GRIN2B: variants seen among roughly 807,000 people sequenced by gnomAD.
The protein encoded by GRIN2B is glutamate receptor ionotropic, NMDA 2B.
Under a neutral mutation model 114.5 loss-of-function variants are expected in GRIN2B, and 5 were observed. That is an observed-to-expected ratio of 0.04 (90% CI 0.02 to 0.09). GRIN2B has a LOEUF of 0.09. GRIN2B is among the 10% of genes least tolerant of loss of function. The pLI is 1.00. For synonymous variants in GRIN2B, 787 were observed against 745.1 expected, an observed-to-expected ratio of 1.06 and a Z score of -0.92; for missense variants, 1,108 against 1,943.5, an observed-to-expected ratio of 0.57 and a Z score of 8.08.
intron 3 of GRIN2B, among the ~76,000 whole-genome samples, chr12:13,861,038 A>T (rs991581862): frequency 2.0e-5 from 3 of 152,158 alleles, no homozygotes; most frequent in Non-Finnish European, 1.5e-5. Context: ...CATATATTTT[A>T]TTTCATTTTA....
At position 13,713,548 on chromosome 12, in the gene GRIN2B, TAGCGATGAGCCATC is replaced by T. The variant is rs912296716; in HGVS notation, c.1011-37703_1011-37690del. On this transcript the variant is annotated intron_variant, in intron 4 of 13. Coordinates refer to ENST00000609686, the MANE Select transcript of GRIN2B (RefSeq NM_000834.5). ...AAAGAGCAGCCATGAAATACTTCCC[TAGCGATGAGCCATC>T]AGTGTTGGTAAGACGTTCTTAATAG... Among the ~76,000 whole-genome samples the T allele has an allele frequency of 2.0e-5, 3 of 151,920 alleles. No homozygotes were observed. The East Asian group carries it at 5.8e-4, about 29-fold the overall frequency.
At position 13,590,861 on chromosome 12, in the gene GRIN2B, T is replaced by C. The variant is rs558191668; in HGVS notation, c.2010+17742A>G. ...AGAGCCCAGTAGTCAGGTGGAATCA[T>C]AGTTGAAGCTCACTCTTGAAGTCAT... On this transcript the variant is annotated intron_variant, in intron 10 of 13. Transcript: ENST00000609686. Among the ~76,000 whole-genome samples the C allele has an allele frequency of 5.9e-5, 9 of 152,298 alleles. No homozygotes were observed. In the South Asian group the frequency reaches 1.5e-3, roughly 25 times the overall value.
At chr12:13,893,667 C>G (rs564021302) in intron 2 of GRIN2B, among the ~76,000 whole-genome samples, 1 of 152,112 alleles carries the variant, frequency 6.6e-6, no homozygotes, top group East Asian at 1.9e-4. Flanking sequence ...AAAAGCTAAA[C>G]ATAAAACTCA....
chr12:13,579,527 C>A (rs190634966), intron 10 of GRIN2B, among the ~76,000 whole-genome samples: 1 of 152,356 alleles, frequency 6.6e-6, no homozygotes, highest in East Asian at 1.9e-4. Flanking sequence ...CAGTGCCTGG[C>A]TGATAAATAC....
At chr12:13,659,239 T>C (rs915826911) in intron 5 of GRIN2B, among the ~76,000 whole-genome samples, 1 of 152,240 alleles carries the variant, frequency 6.6e-6, no homozygotes, top group African/African-American at 2.4e-5. Context: ...CTTGTTTTGA[T>C]GTCCCAGTGT....
intron 4 of GRIN2B, among the ~76,000 whole-genome samples, chr12:13,696,291 G>A (rs1008864245): frequency 6.6e-6 from 1 of 152,122 alleles, no homozygotes; most frequent in South Asian, 2.1e-4. Context: ...TGTAACAAAA[G>A]GTGTGTAACT....
chr12:13,915,393 G>C (rs543715822), intron 2 of GRIN2B, among the ~76,000 whole-genome samples: 115 of 152,166 alleles, frequency 7.6e-4, no homozygotes, highest in African/African-American at 1.7e-3. Flanking sequence ...CCCAACCCCT[G>C]GCCACAGGCA....
chr12:13,904,496 C>A, intron 2 of GRIN2B, among the ~76,000 whole-genome samples: 1 of 152,022 alleles, frequency 6.6e-6, no homozygotes, highest in East Asian at 1.9e-4. Context: ...TTAATTGCAT[C>A]ACTATTAGTC....
intron 10 of GRIN2B, among the ~76,000 whole-genome samples, chr12:13,579,148 G>A (rs1268499133): frequency 2.6e-5 from 4 of 152,148 alleles, no homozygotes; most frequent in African/African-American, 9.7e-5. Context: ...AAGACACAAG[G>A]TGGTGAGAAA....
intron 3 of GRIN2B, among the ~76,000 whole-genome samples, chr12:13,861,124 A>G (rs1417041401): frequency 1.3e-5 from 2 of 152,242 alleles, no homozygotes; most frequent in Non-Finnish European, 2.9e-5. Context: ...ATCATGTAGT[A>G]TAACTAATGT....
At position 13,910,593 on chromosome 12, in the gene GRIN2B, T is replaced by G. The variant is rs377163114; in HGVS notation, c.-18-44367A>C. ...TTTCTGGCCAGGATTATTGCAAAGGTCTCTAAATGAGCTCTGCCACCAATT... is the reference window on the plus strand; with the variant it reads ...TTTCTGGCCAGGATTATTGCAAAGGGCTCTAAATGAGCTCTGCCACCAATT... On this transcript the variant is annotated intron_variant, in intron 2 of 13. Coordinates refer to ENST00000609686, the MANE Select transcript of GRIN2B (RefSeq NM_000834.5). Among the ~76,000 whole-genome samples the G allele has an allele frequency of 2.0e-5, 3 of 152,216 alleles. No individual in the cohort carries two copies. The South Asian group carries it at 6.2e-4, about 32-fold the overall frequency.
At chr12:13,589,568 C>T (rs556410179) in intron 10 of GRIN2B, among the ~76,000 whole-genome samples, 1 of 152,272 alleles carries the variant, frequency 6.6e-6, no homozygotes, top group Admixed American at 6.5e-5. Flanking sequence ...GTACTCTATT[C>T]CAGTAAGTGC....
At chr12:13,945,090 T>C (rs982508842) in intron 2 of GRIN2B, among the ~76,000 whole-genome samples, 2 of 152,126 alleles carry the variant, frequency 1.3e-5, no homozygotes, top group Admixed American at 1.3e-4. Flanking sequence ...ATAGAGTGGT[T>C]CAATAGAAGT....
intron 2 of GRIN2B, among the ~76,000 whole-genome samples, chr12:13,919,293 T>C (rs1208669266): frequency 2.6e-5 from 4 of 152,126 alleles, no homozygotes; most frequent in African/African-American, 9.7e-5. Context: ...TCCCCATATA[T>C]CATGTACGTA....
intron 4 of GRIN2B, among the ~76,000 whole-genome samples, chr12:13,710,914 T>C (rs1041985450): frequency 2.8e-4 from 42 of 151,980 alleles, no homozygotes; most frequent in African/African-American, 9.6e-4. Flanking sequence ...GAGCCCTCAT[T>C]GCCAAGTCAA....
chr12:13,812,378 T>C (rs1339850347), intron 3 of GRIN2B, among the ~76,000 whole-genome samples: 1 of 152,200 alleles, frequency 6.6e-6, no homozygotes, highest in East Asian at 1.9e-4. Context: ...TCTGGGCTCA[T>C]GCATTTGGAC....
In GRIN2B at chr12:13,563,608, G is replaced by A. The variant is rs778678685; in HGVS notation, c.3630C>T (p.Ser1210=). The A allele has an allele frequency of 1.7e-5, 28 of 1,613,896 alleles. No homozygotes were observed. The highest frequency in any genetic ancestry group is 2.2e-5 in the South Asian group (2 of 91,082). ...NLTNVEWEDR[S]GGNFCRSCPS... ...GACAGCTGCGGCAGAAGTTGCCCCC[G>A]GACCGGTCCTCCCACTCCACGTTGG... The change falls in exon 14 of 14, where the codon TCC becomes TCT. Residue 1210 remains serine, a synonymous_variant. Coordinates refer to ENST00000609686, the MANE Select transcript of GRIN2B (RefSeq NM_000834.5).
rs1949418212 is a variant in GRIN2B at position 13,615,052 on chromosome 12, T to C, written c.1654+62A>G. 1.4e-6 allele frequency: 2 copies of C among 1,454,406 alleles called. No homozygotes were observed. Among genetic ancestry groups the C allele is most frequent in the East Asian group, 4.5e-5 (2 of 44,128 alleles). 90.1% of individuals were successfully genotyped at this position (1,454,406 alleles called of 1,614,324 possible). On this transcript the variant is annotated intron_variant, in intron 8 of 13. Coordinates refer to ENST00000609686, the MANE Select transcript of GRIN2B (RefSeq NM_000834.5). The surrounding 1 kb of genome is among the most constrained non-coding windows in gnomAD (Gnocchi z 5.8). ...AACAGCCTGGCCATGTGCTCCTTTT[T>C]TCCTTATTTCACTTCCCCATCCATA...
At chr12:13,920,084 G>A (rs1866797028) in intron 2 of GRIN2B, among the ~76,000 whole-genome samples, 2 of 151,998 alleles carry the variant, frequency 1.3e-5, no homozygotes, top group Admixed American at 1.3e-4. Context: ...CTGGGACTAA[G>A]AGCCCGCCTC....
Sources: allele counts gnomAD v4.1 joint callset (sites outside exome capture counted in the v4.1 genomes callset), GRCh38; gene constraint gnomAD v4.1.1; non-coding constraint Gnocchi (gnomAD v3.1); transcripts MANE v1.5; gene names NCBI Gene and HGNC (gene_info 2026-07-23, HGNC 2026-07-21).